Variants in FAM149B1 observed in about 807,000 individuals in gnomAD.
The protein encoded by FAM149B1 is family with sequence similarity 149 member B1.
In FAM149B1, 56 loss-of-function variants were observed where a neutral mutation model predicts 75.3. The ratio of observed to expected loss-of-function variants is 0.74; its 90% CI spans 0.60 to 0.93. The LOEUF (loss-of-function observed/expected upper bound fraction) is 0.93. Ranked by LOEUF, FAM149B1 falls within the 40% of genes least tolerant of loss-of-function variation. FAM149B1 has a pLI of 0.00. For synonymous variants in FAM149B1, 259 were observed against 256.1 expected (o/e 1.01, Z -0.11); for missense variants, 639 against 708.4 (o/e 0.90, Z 1.11).
rs1390212574 is a variant in FAM149B1 at position 73,241,061 on chromosome 10, T to C, written c.*42T>C. 5 of 1,117,696 alleles carry C rather than the reference T, an allele frequency of 4.5e-6. No homozygotes were observed. Among genetic ancestry groups the C allele is most frequent in the African/African-American group, 1.6e-5 (1 of 61,538 alleles). 69.2% of individuals were successfully genotyped at this position (1,117,696 alleles called of 1,614,324 possible). ...CTATCAGGCTGCAGGAAACACGAGA[T>C]TTCATGAAGCAGTATTCAGTCATCA... On this transcript the variant is annotated 3_prime_UTR_variant, in exon 14 of 14. Coordinates refer to ENST00000242505, the MANE Select transcript of FAM149B1 (RefSeq NM_173348.2).
chr10:73,199,632 A>G (rs980904040), intron 5 of FAM149B1, among the ~76,000 whole-genome samples: 4 of 152,192 alleles, frequency 2.6e-5, no homozygotes, highest in Non-Finnish European at 4.4e-5. Flanking sequence ...CAGCCTCCCA[A>G]ATAGCTGGGA....
In FAM149B1 at chr10:73,240,962, G is replaced by A; in HGVS notation, c.1692G>A (p.Gly564=). Residue 564 remains glycine (G), a synonymous_variant, in exon 14 of 14, where the codon GGG becomes GGA. Transcript: ENST00000242505. ...GRGSAGPQLH[G]STKSQSGGRP... ...ATCTGACAGGTCCTCAGTTACATGGGTCTACAAAATCTCAAAGCGGAGGCA... is the reference window on the plus strand; with the variant it reads ...ATCTGACAGGTCCTCAGTTACATGGATCTACAAAATCTCAAAGCGGAGGCA... The A allele has an allele frequency of 6.5e-7, 1 of 1,542,352 alleles. No individual in the cohort carries two copies. The highest frequency in any genetic ancestry group is 2.5e-5 in the East Asian group (1 of 40,690).
rs115639281 is a variant in FAM149B1, at chr10:73,202,348, A to T, written c.543-6271A>T. Among the ~76,000 whole-genome samples the T allele has an allele frequency of 9.5e-3, 1,445 of 152,302 alleles. 25 individuals are homozygous for T. Among genetic ancestry groups the T allele is most frequent in the African/African-American group, 0.032 (1,349 of 41,552 alleles). ...TTCCTATTTATTTTTCAACACAAAG[A>T]ATTCCATTAGTTACCACTGACTAAA... On this transcript the variant is annotated intron_variant, in intron 5 of 13. Coordinates refer to ENST00000242505, the MANE Select transcript of FAM149B1 (RefSeq NM_173348.2).
intron 1 of FAM149B1, among the ~76,000 whole-genome samples, chr10:73,169,656 G>A (rs975689605): frequency 2.0e-5 from 3 of 151,968 alleles, no homozygotes; most frequent in African/African-American, 7.3e-5. Flanking sequence ...TAGAGACAGG[G>A]TCCCACTATG....
At chr10:73,239,453 T>C in intron 13 of FAM149B1, 69 bp downstream of exon 13, 1 of 1,133,242 alleles carries the variant, frequency 8.8e-7, no homozygotes, top group Non-Finnish European at 1.3e-6. Context: ...TTGTCTTTTT[T>C]CCTACACCTA....
In FAM149B1 at chr10:73,243,885, C is replaced by T. The variant is rs1242002183; in HGVS notation, c.*2866C>T. 1.9e-6 allele frequency: 3 copies of T among 1,614,014 alleles called. No homozygotes were observed. The highest frequency in any genetic ancestry group is 1.7e-5 in the Admixed American group (1 of 59,996). ...GGCTATCCACGCCTTCATCAAGCCCCAACTCCTTTCTGCTCATTTCTGCTT... is the reference window on the plus strand; with the variant it reads ...GGCTATCCACGCCTTCATCAAGCCCTAACTCCTTTCTGCTCATTTCTGCTT... On this transcript the variant is annotated 3_prime_UTR_variant, in exon 14 of 14. Coordinates refer to ENST00000242505, the MANE Select transcript of FAM149B1 (RefSeq NM_173348.2).
At chr10:73,181,957 T>C (rs1362521890) in intron 3 of FAM149B1, among the ~76,000 whole-genome samples, 1 of 152,200 alleles carries the variant, frequency 6.6e-6, no homozygotes, top group Non-Finnish European at 1.5e-5. Flanking sequence ...ATTTGTTATA[T>C]GTTCTTGCTG....
rs1426519511 is a variant in FAM149B1 at position 73,177,860 on chromosome 10, C to T, written c.167C>T (p.Thr56Ile). Residue 56 changes from threonine to isoleucine, a missense_variant, in exon 3 of 14, where the codon ACA becomes ATA. By Grantham distance (89) the Thr-to-Ile change is moderately conservative (BLOSUM62 -1). Coordinates refer to ENST00000242505, the MANE Select transcript of FAM149B1 (RefSeq NM_173348.2). ...DTSSQSKSDI[T>I]RESSFTSADT... is the part of the protein sequence containing the mutation. Reference sequence around the variant, plus strand: ...TGTGCCTTTAGCAAGTCTGACATCACAAGAGAATCATCTTTTACATCAGCC... The same window carrying T: ...TGTGCCTTTAGCAAGTCTGACATCATAAGAGAATCATCTTTTACATCAGCC... The T allele has an allele frequency of 6.4e-7, 1 of 1,551,064 alleles. No homozygotes were observed.
intron 5 of FAM149B1, among the ~76,000 whole-genome samples, chr10:73,194,604 C>T (rs575865661): frequency 3.2e-4 from 48 of 149,208 alleles, no homozygotes; most frequent in Middle Eastern, 3.5e-3. Flanking sequence ...ACCTCATGAT[C>T]CACCCGCCTC....
intron 5 of FAM149B1, among the ~76,000 whole-genome samples, chr10:73,206,535 C>T (rs1357256571): frequency 6.6e-6 from 1 of 152,238 alleles, no homozygotes; most frequent in African/African-American, 2.4e-5. Context: ...AAAGGCATTT[C>T]GGAGACCTTC....
chr10:73,191,436 A>G (rs1161602091), intron 3 of FAM149B1, among the ~76,000 whole-genome samples: 1 of 150,984 alleles, frequency 6.6e-6, no homozygotes, highest in East Asian at 1.9e-4. Flanking sequence ...TCCCAGGTTC[A>G]GGCGATTCTC....
chr10:73,213,279 T>TA (rs1275399046), intron 7 of FAM149B1, among the ~76,000 whole-genome samples: 1 of 152,242 alleles, frequency 6.6e-6, no homozygotes, highest in South Asian at 2.1e-4. Flanking sequence ...ATTCTGTAAG[T>TA]AGTCTGCTTA....
chr10:73,191,442 T>C (rs1034589155), intron 3 of FAM149B1, among the ~76,000 whole-genome samples: 1 of 152,002 alleles, frequency 6.6e-6, no homozygotes, highest in African/African-American at 2.4e-5. Flanking sequence ...GTTCAGGCGA[T>C]TCTCCTGCCT....
chr10:73,221,718 A>AT (rs559365759), intron 7 of FAM149B1, among the ~76,000 whole-genome samples: 1 of 150,950 alleles, frequency 6.6e-6, no homozygotes, highest in South Asian at 2.1e-4. Flanking sequence ...ATTTCTTCAG[A>AT]TTTTTTTTTC....
Position 73,177,789 on chromosome 10 carries a change from T to C in FAM149B1, c.153-57T>C. 4 of 1,520,484 alleles carry C rather than the reference T, an allele frequency of 2.6e-6. No individual in the cohort carries two copies. In the South Asian group the frequency reaches 4.8e-5, roughly 18 times the overall value. The allele number at this position is 1,520,484 out of a possible 1,614,324, so 94.2% of individuals were successfully genotyped here. On this transcript the variant is annotated intron_variant, in intron 2 of 13. Transcript: ENST00000242505. ...GCTGAGTAGTTAATGCCACAGAAAC[T>C]TGAGGACATATGAAAAATTTTCTTT...
chr10:73,228,199 GATC>G lies in FAM149B1; in HGVS notation c.1023+17_1023+19del. 1.3e-6 allele frequency: 2 copies of G among 1,551,222 alleles called. No homozygotes were observed. The highest frequency in any genetic ancestry group is 1.7e-6 in the Non-Finnish European group (2 of 1,146,634). Reference sequence around the variant, plus strand: ...CCTCAAATCCGGTAAGCCCCAGAGGGATCAGTTGGAGACCCCAGGGCTACTCTC... The same window carrying G: ...CCTCAAATCCGGTAAGCCCCAGAGGGAGTTGGAGACCCCAGGGCTACTCTC... On this transcript the variant is annotated intron_variant, in intron 8 of 13. Transcript: ENST00000242505.
chr10:73,187,047 T>A (rs1049627220), intron 3 of FAM149B1, among the ~76,000 whole-genome samples: 1 of 152,320 alleles, frequency 6.6e-6, no homozygotes. Flanking sequence ...TATCTAAATT[T>A]AAAAATTTGT....
rs1589190539 is a variant in FAM149B1, at chr10:73,230,478, T to C, written c.1080T>C (p.His360=). 4 of 1,550,044 alleles carry C rather than the reference T, an allele frequency of 2.6e-6. No homozygotes were observed. Among genetic ancestry groups the C allele is most frequent in the Non-Finnish European group, 3.5e-6 (4 of 1,145,334 alleles). ...HQPNVNDLLV[H]GMPLQPRNLS... ...CAAATGTGAATGATCTCTTGGTTCA[T>C]GGAATGCCTCTACAGCCAAGAAATC... Residue 360 remains histidine (H), a synonymous_variant, in exon 9 of 14, where the codon CAT becomes CAC. Coordinates refer to ENST00000242505, the MANE Select transcript of FAM149B1 (RefSeq NM_173348.2).
chr10:73,230,697 C>A, intron 9 of FAM149B1, 172 bp downstream of exon 9: 1 of 553,192 alleles, frequency 1.8e-6, no homozygotes, highest in Non-Finnish European at 3.3e-6. Flanking sequence ...GATAATGTAA[C>A]TGGAAAGAGA....
Sources: allele counts gnomAD v4.1 joint callset (sites outside exome capture counted in the v4.1 genomes callset), GRCh38; gene constraint gnomAD v4.1.1; transcripts MANE v1.5; gene names NCBI Gene and HGNC (gene_info 2026-07-23, HGNC 2026-07-21).